Variants in WNT3A observed in about 807,000 individuals in gnomAD.
WNT3A encodes protein Wnt-3a.
A neutral mutation model predicts 37.0 loss-of-function variants in WNT3A; 17 were observed. That is an observed-to-expected ratio of 0.46 (90% CI 0.31 to 0.69). The LOEUF is 0.69. Ranked by LOEUF, WNT3A falls within the 30% of genes least tolerant of loss-of-function variation. The pLI is 0.05. For missense variants in WNT3A, 411 were observed against 510.2 expected (o/e 0.81, Z 1.87); for synonymous variants, 187 against 211.0 (o/e 0.89, Z 0.99).
At chr1:228,012,238 A>G (rs1487693020) in intron 1 of WNT3A, among the ~76,000 whole-genome samples, 1 of 152,182 alleles carries the variant, frequency 6.6e-6, no homozygotes, top group East Asian at 1.9e-4. Context: ...CTCCCAAGAT[A>G]CAGGTGACAG....
intron 1 of WNT3A, among the ~76,000 whole-genome samples, chr1:228,012,921 A>G (rs945173839): frequency 6.6e-6 from 1 of 152,164 alleles, no homozygotes; most frequent in Non-Finnish European, 1.5e-5. Context: ...TCTGTCACCC[A>G]GGCTGGAGTG....
Position 228,050,238 on chromosome 1 carries a change from G to A in WNT3A, c.314-418G>A, listed in dbSNP as rs1385113691. Among the ~76,000 whole-genome samples the A allele has an allele frequency of 6.6e-6, 1 of 152,214 alleles. No homozygotes were observed. Among genetic ancestry groups the A allele is most frequent in the African/African-American group, 2.4e-5 (1 of 41,442 alleles). On this transcript the variant is annotated intron_variant, in intron 2 of 3. Coordinates refer to ENST00000284523, the MANE Select transcript of WNT3A (RefSeq NM_033131.4). This position sits in a 1 kb window ranked among gnomAD's most constrained non-coding sequence, Gnocchi z 5.0. The stretch of plus-strand genomic sequence containing the variant: ...TTTTGTAGAGATGGGGTCTTGCTAT[G>A]TTGAAAAGGCTGTCCTGGTCTCAAG...
Position 228,042,566 on chromosome 1 carries a change from A to G in WNT3A, c.314-8090A>G, listed in dbSNP as rs1341719742. Among the ~76,000 whole-genome samples, 1 of 151,458 alleles carries G rather than the reference A, an allele frequency of 6.6e-6. No individual in the cohort carries two copies. Among genetic ancestry groups the G allele is most frequent in the Non-Finnish European group, 1.5e-5 (1 of 67,846 alleles). On this transcript the variant is annotated intron_variant, in intron 2 of 3. Coordinates refer to ENST00000284523, the MANE Select transcript of WNT3A (RefSeq NM_033131.4). This position sits in a 1 kb window ranked among gnomAD's most constrained non-coding sequence, Gnocchi z 5.2. The stretch of plus-strand genomic sequence containing the variant: ...TGATGAAGGGGATGATGGATGGATG[A>G]TGGTTGAATGGTGGATGGGTGATGA...
In WNT3A at chr1:228,007,016, G is replaced by C. The variant is rs2030212803; in HGVS notation, c.-113G>C. 5 of 545,418 alleles carry C rather than the reference G, an allele frequency of 9.2e-6. No individual in the cohort carries two copies. The highest frequency in any genetic ancestry group is 5.8e-5 in the Admixed American group (1 of 17,144). 33.8% of individuals were successfully genotyped at this position (545,418 alleles called of 1,614,324 possible). On this transcript the variant is annotated 5_prime_UTR_variant, in exon 1 of 4. Transcript: ENST00000284523. This position sits in a 1 kb window ranked among gnomAD's most constrained non-coding sequence, Gnocchi z 6.0. ...GGAGCCCGCGCACACCCGCGCACCC[G>C]CGGCCGCAGGAGGGCCCAGCGACGC...
intron 2 of WNT3A, among the ~76,000 whole-genome samples, chr1:228,044,367 T>C (rs2031354986): frequency 6.6e-6 from 1 of 152,122 alleles, no homozygotes; most frequent in South Asian, 2.1e-4. Flanking sequence ...TTTCCTTCGT[T>C]TTTCTATCAA....
At chr1:228,036,522 C>G (rs2031148332) in intron 2 of WNT3A, among the ~76,000 whole-genome samples, 1 of 152,204 alleles carries the variant, frequency 6.6e-6, no homozygotes, top group African/African-American at 2.4e-5. Flanking sequence ...GAGAAACCAT[C>G]AGTCCTTGGA....
In WNT3A at chr1:228,038,964, C is replaced by T. The variant is rs957957529; in HGVS notation, c.314-11692C>T. On this transcript the variant is annotated intron_variant, in intron 2 of 3. Coordinates refer to ENST00000284523, the MANE Select transcript of WNT3A (RefSeq NM_033131.4). This position sits in a 1 kb window ranked among gnomAD's most constrained non-coding sequence, Gnocchi z 5.7. ...TGTCACAGTGGAGGTGAGAACTTCC[C>T]GGTGGAGATTCAGCAGAGTTTTTCT... is the stretch of plus-strand genomic sequence containing the variant. 6.6e-6 allele frequency among the ~76,000 whole-genome samples: 1 copy of T among 152,054 alleles called. No homozygotes were observed. The highest frequency in any genetic ancestry group is 2.4e-5 in the African/African-American group (1 of 41,382).
chr1:228,008,469 C>T lies in WNT3A; in HGVS notation c.71+1270C>T, dbSNP rs1190038743. Among the ~76,000 whole-genome samples the T allele has an allele frequency of 6.6e-6, 1 of 152,226 alleles. No homozygotes were observed. Among genetic ancestry groups the T allele is most frequent in the South Asian group, 2.1e-4 (1 of 4,832 alleles). ...GAGGGGAAGGGGCAGCCCTAGGCAG[C>T]TGAAGGGCCTGGAAGAGGCCACGAG... On this transcript the variant is annotated intron_variant, in intron 1 of 3. Coordinates refer to ENST00000284523, the MANE Select transcript of WNT3A (RefSeq NM_033131.4). The surrounding 1 kb of genome is among the most constrained non-coding windows in gnomAD (Gnocchi z 4.9).
rs1410986776 is a variant in WNT3A at position 228,037,194 on chromosome 1, C to T, written c.314-13462C>T. 6.6e-6 allele frequency among the ~76,000 whole-genome samples: 1 copy of T among 151,624 alleles called. No individual in the cohort carries two copies. Among genetic ancestry groups the T allele is most frequent in the Non-Finnish European group, 1.5e-5 (1 of 67,848 alleles). ...GTGGGTGGGGCCTGCAGCAGTGGCC[C>T]TCCCACTCAGCCTTCACACACCACC... On this transcript the variant is annotated intron_variant, in intron 2 of 3. Coordinates refer to ENST00000284523, the MANE Select transcript of WNT3A (RefSeq NM_033131.4). The surrounding 1 kb of genome is among the most constrained non-coding windows in gnomAD (Gnocchi z 4.1).
chr1:228,016,143 C>G (rs1196853821), intron 1 of WNT3A, among the ~76,000 whole-genome samples: 1 of 152,248 alleles, frequency 6.6e-6, no homozygotes. Flanking sequence ...CCTGACCCCC[C>G]AGGGTGATTA....
At chr1:228,032,749 A>G (rs1045966325) in intron 2 of WNT3A, among the ~76,000 whole-genome samples, 5 of 152,200 alleles carry the variant, frequency 3.3e-5, no homozygotes, top group Non-Finnish European at 7.3e-5. Flanking sequence ...GGAACTGTCA[A>G]ACTATTCCAG....
intron 2 of WNT3A, among the ~76,000 whole-genome samples, chr1:228,028,477 G>A (rs2030908962): frequency 6.6e-6 from 1 of 151,202 alleles, no homozygotes; most frequent in Admixed American, 6.6e-5. Context: ...AATTTTTTTT[G>A]TTGTTGTTTT....
rs58035269 is a variant in WNT3A, at chr1:228,027,691, G to C, written c.313+4783G>C. Among the ~76,000 whole-genome samples, 190 of 152,276 alleles carry C rather than the reference G, an allele frequency of 1.2e-3. 1 individual carries two copies. Among genetic ancestry groups the C allele is most frequent in the African/African-American group, 4.4e-3 (184 of 41,552 alleles). On this transcript the variant is annotated intron_variant, in intron 2 of 3. Transcript: ENST00000284523. ...GGATATTCGCCTTTGTCAAATGTAT[G>C]CTTTGTGAATATTTTCTCCCACTCT... is the stretch of plus-strand genomic sequence containing the variant.
chr1:228,014,205 C>T (rs910493346), intron 1 of WNT3A, among the ~76,000 whole-genome samples: 1 of 152,228 alleles, frequency 6.6e-6, no homozygotes, highest in African/African-American at 2.4e-5. Flanking sequence ...TGCACTGCTC[C>T]CCTCCTCTCT....
chr1:228,041,519 T>C (rs2031283987), intron 2 of WNT3A, among the ~76,000 whole-genome samples: 1 of 150,444 alleles, frequency 6.6e-6, no homozygotes, highest in African/African-American at 2.5e-5. Flanking sequence ...ATCCATCAAT[T>C]CATCCATCCA....
rs748187236 is a variant in WNT3A, at chr1:228,031,995, T to C, written c.313+9087T>C. On this transcript the variant is annotated intron_variant, in intron 2 of 3. Transcript: ENST00000284523. This position sits in a 1 kb window ranked among gnomAD's most constrained non-coding sequence, Gnocchi z 4.8. ...GCCATACCAGGTGATGGAGGAAGGCTGTGCTGCATGGGGTCAGAGGGGAAC... is the reference window on the plus strand; with the variant it reads ...GCCATACCAGGTGATGGAGGAAGGCCGTGCTGCATGGGGTCAGAGGGGAAC... 1.3e-5 allele frequency among the ~76,000 whole-genome samples: 2 copies of C among 152,178 alleles called. No homozygotes were observed. The highest frequency in any genetic ancestry group is 2.9e-5 in the Non-Finnish European group (2 of 68,032).
intron 1 of WNT3A, among the ~76,000 whole-genome samples, chr1:228,017,441 G>A (rs542525527): frequency 1.1e-4 from 17 of 152,288 alleles, no homozygotes; most frequent in East Asian, 5.8e-4. Context: ...GGCCAGGCGC[G>A]GTGGCTCACA....
chr1:228,020,530 C>T (rs1005792508), intron 1 of WNT3A, among the ~76,000 whole-genome samples: 8 of 152,254 alleles, frequency 5.3e-5, no homozygotes, highest in Admixed American at 2.6e-4. Flanking sequence ...ATCCAGTTGC[C>T]GGGACTCAAA....
intron 2 of WNT3A, among the ~76,000 whole-genome samples, chr1:228,035,759 C>T (rs937721057): frequency 1.3e-5 from 2 of 152,144 alleles, no homozygotes; most frequent in Non-Finnish European, 2.9e-5. Flanking sequence ...GCTGCTATGC[C>T]GGCCTCTCTG....
Sources: gnomAD v4.1 joint callset for allele counts (sites outside exome capture counted in the v4.1 genomes callset) on GRCh38, gnomAD v4.1.1 for gene constraint, Gnocchi (gnomAD v3.1) non-coding constraint, MANE v1.5 for transcripts, NCBI Gene and HGNC (gene_info 2026-07-23, HGNC 2026-07-21) for gene names.